The following NSUN4 variants were observed in gnomAD, a reference collection of about 807,000 sequenced individuals.
NSUN4 encodes 5-cytosine rRNA methyltransferase NSUN4.
NSUN4 carries 31 observed loss-of-function variants against 43.8 expected under a neutral mutation model. The observed-to-expected ratio is 0.71, with a 90% confidence interval of 0.53 to 0.96. NSUN4 has a LOEUF of 0.96. Among genes scored for constraint, NSUN4 ranks in the 40% least tolerant of loss-of-function variants. The probability of loss-of-function intolerance (pLI) is 0.00; values close to 1 mark genes in which losing one functional copy is unlikely to be tolerated. For missense variants in NSUN4, 439 were observed against 475.6 expected, an observed-to-expected ratio of 0.92 and a Z score of 0.72; for synonymous variants, 167 against 184.1, an observed-to-expected ratio of 0.91 and a Z score of 0.75.
intron 4 of NSUN4, among the ~76,000 whole-genome samples, chr1:46,354,967 GGC>G (rs1557741844): frequency 6.6e-6 from 1 of 152,144 alleles, no homozygotes; most frequent in East Asian, 1.9e-4. Flanking sequence ...CACTGCGCCC[GGC>G]CTATTCATTT....
chr1:46,363,862 A>G lies in NSUN4; in HGVS notation c.*2016A>G, dbSNP rs1480507113. 1.3e-5 allele frequency: 2 copies of G among 152,350 alleles called. No homozygotes were observed. Among genetic ancestry groups the G allele is most frequent in the African/African-American group, 4.8e-5 (2 of 41,468 alleles). 9.4% of individuals were successfully genotyped at this position (152,350 alleles called of 1,614,324 possible). ...AAAAAGTTTAATCCCAGAAGAGTAA[A>G]TGTAGCATGATGCCCTTTCTAAATG... is the stretch of plus-strand genomic sequence containing the variant. On this transcript the variant is annotated 3_prime_UTR_variant, in exon 6 of 6. Coordinates refer to ENST00000474844, the MANE Select transcript of NSUN4 (RefSeq NM_199044.4).
intron 3 of NSUN4, 21 bp from the exon 4 acceptor site, chr1:46,352,847 G>A: frequency 6.2e-7 from 1 of 1,612,734 alleles, no homozygotes; most frequent in Non-Finnish European, 8.5e-7. Flanking sequence ...CATGGCCTCT[G>A]AAGTATCTTT....
At chr1:46,367,510 G>A (rs1664162492), downstream of NSUN4, among the ~76,000 whole-genome samples, 1 of 152,102 alleles carries the variant, frequency 6.6e-6, no homozygotes, top group South Asian at 2.1e-4. Context: ...TTTTTATGGT[G>A]TGTTTTTATT....
At chr1:46,371,730 G>T in the NSUN4 span, among the ~76,000 whole-genome samples, 34 of 152,040 alleles carry the variant, frequency 2.2e-4, no homozygotes, top group African/African-American at 6.5e-4. Context: ...GTGAGCCACC[G>T]CGCCTGACCA....
intron 1 of NSUN4, 194 bp downstream of exon 1, chr1:46,341,113 C>T: frequency 7.9e-7 from 1 of 1,266,322 alleles, no homozygotes; most frequent in Non-Finnish European, 1.0e-6. Context: ...GTGTCTTCCA[C>T]TTGTTACGTC....
At chr1:46,359,551 ATT>A (rs1404750267) in intron 4 of NSUN4, among the ~76,000 whole-genome samples, 15 of 56,920 alleles carry the variant, frequency 2.6e-4, no homozygotes, top group Admixed American at 3.3e-4. Flanking sequence ...GCCCGGCTAA[ATT>A]TTTTTTTTTT....
the NSUN4 span, chr1:46,370,802 A>G: frequency 4.6e-5 from 7 of 152,312 alleles, no homozygotes; most frequent in South Asian, 6.2e-4. Flanking sequence ...CACTTCTCCA[A>G]TGGATTCATT....
At chr1:46,342,967 G>A in intron 1 of NSUN4, 1 of 399,326 alleles carries the variant, frequency 2.5e-6, no homozygotes, top group Non-Finnish European at 4.4e-6. Context: ...CTTCCCCCAG[G>A]GACTACCTTA....
At chr1:46,356,562 G>A (rs1288109827) in intron 4 of NSUN4, among the ~76,000 whole-genome samples, 1 of 152,112 alleles carries the variant, frequency 6.6e-6, no homozygotes, top group African/African-American at 2.4e-5. Flanking sequence ...TGAGATGGCG[G>A]GCGCCTGGAA....
intron 3 of NSUN4, among the ~76,000 whole-genome samples, chr1:46,347,305 G>T (rs1436596218): frequency 6.6e-6 from 1 of 152,102 alleles, no homozygotes; most frequent in African/African-American, 2.4e-5. Context: ...GGGTGTGGTG[G>T]TGCACTCCTG....
chr1:46,341,737 A>T, intron 1 of NSUN4: 3 of 1,230,992 alleles, frequency 2.4e-6, no homozygotes, highest in Non-Finnish European at 3.0e-6. Context: ...TAGCCCTGCC[A>T]CTCGGGTTCC....
At chr1:46,368,040 C>T (rs552936395), downstream of NSUN4, among the ~76,000 whole-genome samples, 1 of 152,286 alleles carries the variant, frequency 6.6e-6, no homozygotes, top group South Asian at 2.1e-4. Context: ...GCTAGGATTA[C>T]AGGCATGAGC....
chr1:46,372,677 A>G, the NSUN4 span, among the ~76,000 whole-genome samples: 1 of 152,178 alleles, frequency 6.6e-6, no homozygotes, highest in Non-Finnish European at 1.5e-5. Context: ...GCCCTGAGGC[A>G]TGGACACAAT....
At chr1:46,341,593 G>A in intron 1 of NSUN4, 2 of 1,201,458 alleles carry the variant, frequency 1.7e-6, no homozygotes, top group Non-Finnish European at 2.1e-6. Context: ...TCTATGACCG[G>A]CACGCCCCCC....
chr1:46,345,232 G>T, intron 2 of NSUN4, 88 bp downstream of exon 2: 1 of 965,652 alleles, frequency 1.0e-6, no homozygotes, highest in African/African-American at 1.6e-5. Flanking sequence ...CTGTAATAAG[G>T]ACCATAATAT....
chr1:46,369,413 A>T (rs898632259), downstream of NSUN4, among the ~76,000 whole-genome samples: 32 of 152,142 alleles, frequency 2.1e-4, no homozygotes, highest in Admixed American at 9.8e-4. Context: ...AGCAGAAAAA[A>T]GTCCTTGTTC....
chr1:46,344,936 G>A lies in NSUN4; in HGVS notation c.229G>A (p.Val77Ile). The change falls in exon 2 of 6, where the codon GTC (valine) becomes ATC (isoleucine). Residue 77 changes from valine (V) to isoleucine (I), a missense_variant. Physicochemically the swap from Val to Ile is conservative, Grantham distance 29. Coordinates refer to ENST00000474844, the MANE Select transcript of NSUN4 (RefSeq NM_199044.4). ...LLSEQKYGALVNNFAAWDHVS... is the reference protein window; with the variant it reads ...LLSEQKYGALINNFAAWDHVS... ...CTCAGAGCAGAAGTATGGTGCACTG[G>A]TCAATAACTTTGCTGCCTGGGATCA... The A allele has an allele frequency of 6.2e-7, 1 of 1,614,200 alleles. No homozygotes were observed. Among genetic ancestry groups the A allele is most frequent in the Non-Finnish European group, 8.5e-7 (1 of 1,180,028 alleles).
the NSUN4 span, among the ~76,000 whole-genome samples, chr1:46,381,200 C>T: frequency 6.6e-6 from 1 of 152,210 alleles, no homozygotes; most frequent in Admixed American, 6.5e-5. Flanking sequence ...TGCATTTCCA[C>T]CAAAGCCTGT....
intron 1 of NSUN4, chr1:46,341,933 C>T (rs959486092): frequency 1.6e-6 from 2 of 1,233,016 alleles, no homozygotes; most frequent in Non-Finnish European, 2.0e-6. Context: ...TTGGAACCAG[C>T]CCGGCAACCT....
Sources: gnomAD v4.1 joint callset for allele counts (sites outside exome capture counted in the v4.1 genomes callset) on GRCh38, gnomAD v4.1.1 for gene constraint, MANE v1.5 for transcripts, NCBI Gene and HGNC (gene_info 2026-07-23, HGNC 2026-07-21) for gene names.